ADK: variants seen among roughly 807,000 people sequenced by gnomAD.
The protein encoded by ADK is adenosine kinase.
A neutral mutation model predicts 44.7 loss-of-function variants in ADK; 24 were observed. The ratio of observed to expected loss-of-function variants is 0.54; its 90% CI spans 0.39 to 0.76. ADK has a LOEUF of 0.76. ADK is among the 30% of genes least tolerant of loss of function. The probability of loss-of-function intolerance (pLI) is 0.00; values close to 1 mark genes in which losing one functional copy is unlikely to be tolerated. For synonymous variants in ADK, 128 were observed against 142.6 expected (o/e 0.90, Z 0.73); for missense variants, 321 against 425.1 (o/e 0.76, Z 2.15).
At position 74,307,414 on chromosome 10, in the gene ADK, C is replaced by T. The variant is rs1025935786; in HGVS notation, c.195-7253C>T. Among the ~76,000 whole-genome samples the T allele has an allele frequency of 9.8e-5, 15 of 152,316 alleles. No homozygotes were observed. The South Asian group carries it at 2.9e-3, about 29-fold the overall frequency. ...TGTTGGCAGGTGGAACAAAAAGCTG[C>T]CAGTTCTGGCCTGCCCCTGTGAACA... On this transcript the variant is annotated intron_variant, in intron 3 of 10. Coordinates refer to ENST00000539909, the MANE Select transcript of ADK (RefSeq NM_006721.4).
At chr10:74,504,055 T>TCTCAAA (rs1291048043) in intron 6 of ADK, among the ~76,000 whole-genome samples, 1 of 152,296 alleles carries the variant, frequency 6.6e-6, no homozygotes, top group East Asian at 1.9e-4. Flanking sequence ...ATAAAAAGAC[T>TCTCAAA]TATCTCAAGG....
intron 6 of ADK, among the ~76,000 whole-genome samples, chr10:74,471,079 T>C (rs1198109514): frequency 2.7e-5 from 4 of 150,444 alleles, no homozygotes; most frequent in Non-Finnish European, 5.9e-5. Context: ...CTTTTTCTTT[T>C]TTTTTTTTTT....
At chr10:74,478,531 A>G (rs907475509) in intron 6 of ADK, among the ~76,000 whole-genome samples, 3 of 152,166 alleles carry the variant, frequency 2.0e-5, no homozygotes, top group African/African-American at 7.2e-5. Context: ...CAATTCTTTA[A>G]ATGATACTTT....
At chr10:74,265,480 C>T (rs1439601919) in intron 3 of ADK, among the ~76,000 whole-genome samples, 1 of 152,154 alleles carries the variant, frequency 6.6e-6, no homozygotes, top group Non-Finnish European at 1.5e-5. Context: ...TCCAAAAGTG[C>T]TGGCTGAGAT....
intron 6 of ADK, among the ~76,000 whole-genome samples, chr10:74,440,059 G>A (rs1845343314): frequency 6.6e-6 from 1 of 151,766 alleles, no homozygotes; most frequent in Admixed American, 6.6e-5. Context: ...TAATTCAAAA[G>A]CTATAATATA....
chr10:74,456,372 A>C (rs975612357), intron 6 of ADK, among the ~76,000 whole-genome samples: 1 of 152,122 alleles, frequency 6.6e-6, no homozygotes, highest in Non-Finnish European at 1.5e-5. Flanking sequence ...ATTAGAACTC[A>C]GGATTAAGAA....
chr10:74,351,766 T>A (rs1467579610), intron 4 of ADK, among the ~76,000 whole-genome samples: 6 of 151,818 alleles, frequency 4.0e-5, no homozygotes, highest in African/African-American at 1.5e-4. Flanking sequence ...TTTCTATACA[T>A]CAATAATAGA....
chr10:74,160,776 C>CGGGG (rs1448794600), intron 1 of ADK, among the ~76,000 whole-genome samples: 1 of 81,926 alleles, frequency 1.2e-5, no homozygotes, highest in Admixed American at 1.2e-4. Flanking sequence ...AGGCATTGTT[C>CGGGG]GTATATGGGG....
In ADK at chr10:74,494,057, G is replaced by A. The variant is rs889474370; in HGVS notation, c.556-31199G>A. On this transcript the variant is annotated intron_variant, in intron 6 of 10. Transcript: ENST00000539909. ...GTTTTGATTTAGTATACTGAATGAT[G>A]AAATAGAATTATTTATGGTCATTTT... Among the ~76,000 whole-genome samples the A allele has an allele frequency of 9.2e-5, 14 of 152,170 alleles. No homozygotes were observed. In the South Asian group the frequency reaches 1.9e-3, roughly 20 times the overall value.
intron 7 of ADK, among the ~76,000 whole-genome samples, chr10:74,571,648 TA>T (rs1189094347): frequency 6.6e-6 from 1 of 152,220 alleles, no homozygotes; most frequent in African/African-American, 2.4e-5. Flanking sequence ...CCTTATTTTT[TA>T]TTGCGTCTAT....
At chr10:74,368,956 C>A (rs1842578007) in intron 4 of ADK, among the ~76,000 whole-genome samples, 1 of 152,184 alleles carries the variant, frequency 6.6e-6, no homozygotes, top group Non-Finnish European at 1.5e-5. Context: ...TATTGTTCAT[C>A]ATACAGTATA....
At chr10:74,517,124 T>G (rs1292246367) in intron 6 of ADK, among the ~76,000 whole-genome samples, 1 of 151,986 alleles carries the variant, frequency 6.6e-6, no homozygotes, top group Non-Finnish European at 1.5e-5. Context: ...AAGATGAGAT[T>G]TGGGTGGGAA....
At chr10:74,238,162 C>A (rs547977607) in intron 3 of ADK, among the ~76,000 whole-genome samples, 2 of 152,118 alleles carry the variant, frequency 1.3e-5, no homozygotes, top group Non-Finnish European at 2.9e-5. Context: ...CCTGTCTGTC[C>A]GCCCGTCTTC....
At chr10:74,702,373 A>G (rs1231417202) in intron 10 of ADK, among the ~76,000 whole-genome samples, 11 of 151,588 alleles carry the variant, frequency 7.3e-5, no homozygotes, top group Admixed American at 4.6e-4. Context: ...TAGTAGAGAC[A>G]GGGTTTCATC....
intron 4 of ADK, among the ~76,000 whole-genome samples, chr10:74,388,955 T>C (rs1348165329): frequency 3.9e-5 from 6 of 152,206 alleles, no homozygotes; most frequent in African/African-American, 1.2e-4. Context: ...TCTTTCTCCC[T>C]CTCCATGGTG....
At chr10:74,540,668 C>T (rs569836851) in intron 7 of ADK, among the ~76,000 whole-genome samples, 1 of 152,236 alleles carries the variant, frequency 6.6e-6, no homozygotes, top group South Asian at 2.1e-4. Context: ...CCATGTTGGC[C>T]AGGCTGATCT....
intron 3 of ADK, among the ~76,000 whole-genome samples, chr10:74,296,999 C>G (rs904069254): frequency 1.3e-5 from 2 of 152,100 alleles, no homozygotes; most frequent in African/African-American, 4.8e-5. Flanking sequence ...TAGACATAAC[C>G]TAAATGTTTA....
At chr10:74,202,852 A>G (rs970998887) in intron 2 of ADK, among the ~76,000 whole-genome samples, 1 of 152,234 alleles carries the variant, frequency 6.6e-6, no homozygotes, top group Non-Finnish European at 1.5e-5. Flanking sequence ...TCTGGATACT[A>G]GACCCTATCA....
At chr10:74,329,533 TAAA>T (rs1372847863) in intron 4 of ADK, among the ~76,000 whole-genome samples, 1 of 152,256 alleles carries the variant, frequency 6.6e-6, no homozygotes, top group Non-Finnish European at 1.5e-5. Flanking sequence ...AATTTTCATT[TAAA>T]AATCTCTACA....
Sources: allele counts gnomAD v4.1 joint callset (sites outside exome capture counted in the v4.1 genomes callset), GRCh38; gene constraint gnomAD v4.1.1; transcripts MANE v1.5; gene names NCBI Gene and HGNC (gene_info 2026-07-23, HGNC 2026-07-21).